PLEKHA7: variants seen among roughly 807,000 people sequenced by gnomAD.
The protein encoded by PLEKHA7 is pleckstrin homology domain containing A7, also known as pleckstrin homology domain-containing family A member 7.
In PLEKHA7, 104 loss-of-function variants were observed where a neutral mutation model predicts 170.0. The observed-to-expected ratio is 0.61, with a 90% confidence interval of 0.52 to 0.72. The LOEUF (loss-of-function observed/expected upper bound fraction) is 0.72, where lower values mean the gene tolerates loss of function less well. Ranked by LOEUF, PLEKHA7 falls within the 30% of genes least tolerant of loss-of-function variation. The pLI is 0.00. For missense variants in PLEKHA7, 1,615 were observed against 1,671.7 expected (o/e 0.97, Z 0.59); for synonymous variants, 648 against 660.8 (o/e 0.98, Z 0.30).
intron 17 of PLEKHA7, among the ~76,000 whole-genome samples, chr11:16,796,066 C>T (rs535900957): frequency 6.6e-6 from 1 of 152,028 alleles, no homozygotes; most frequent in East Asian, 2.0e-4. Flanking sequence ...ACCACATTGG[C>T]CAGGCTGGTC....
At chr11:16,900,427 T>C (rs539082442) in intron 3 of PLEKHA7, among the ~76,000 whole-genome samples, 10 of 152,350 alleles carry the variant, frequency 6.6e-5, no homozygotes, top group South Asian at 2.1e-4. Flanking sequence ...GGTGTTTTAC[T>C]AGGTTACAAG....
chr11:16,794,466 G>A, intron 19 of PLEKHA7, 22 bp downstream of exon 19: 1 of 1,586,934 alleles, frequency 6.3e-7, no homozygotes, highest in Admixed American at 1.7e-5. Context: ...ATGGCATTCA[G>A]CTCCTAGTTA....
intron 3 of PLEKHA7, among the ~76,000 whole-genome samples, chr11:16,968,456 C>G (rs965847363): frequency 6.6e-6 from 1 of 152,196 alleles, no homozygotes; most frequent in Non-Finnish European, 1.5e-5. Flanking sequence ...GGGCAAGGCT[C>G]TCTGCACTGC....
At chr11:16,841,140 C>G (rs1015031499) in intron 9 of PLEKHA7, among the ~76,000 whole-genome samples, 1 of 152,200 alleles carries the variant, frequency 6.6e-6, no homozygotes, top group Non-Finnish European at 1.5e-5. Flanking sequence ...ATTTCAAGAT[C>G]TCTGATTATA....
intron 3 of PLEKHA7, among the ~76,000 whole-genome samples, chr11:16,965,532 T>C (rs937764878): frequency 6.6e-6 from 1 of 152,120 alleles, no homozygotes; most frequent in Admixed American, 6.5e-5. Flanking sequence ...CTGGGGGAAG[T>C]GAGAGACAGG....
chr11:16,844,689 C>T (rs899631675), intron 8 of PLEKHA7, among the ~76,000 whole-genome samples: 1 of 152,082 alleles, frequency 6.6e-6, no homozygotes, highest in Non-Finnish European at 1.5e-5. Flanking sequence ...GACATGATGC[C>T]CCTAGGATAT....
At chr11:16,798,765 A>G (rs1419348926) in intron 17 of PLEKHA7, among the ~76,000 whole-genome samples, 1 of 152,184 alleles carries the variant, frequency 6.6e-6, no homozygotes, top group East Asian at 1.9e-4. Flanking sequence ...TTTAAGATGT[A>G]TACTCATTCC....
At position 16,889,420 on chromosome 11, in the gene PLEKHA7, AATATAT is replaced by A. The variant is rs1554964151; in HGVS notation, c.222-18244_222-18239del. ...TTGCTCAAAAAAAAAAAAAAAAAAA[AATATAT>A]ATATATATATATATATATATGAACT... is the stretch of plus-strand genomic sequence containing the variant. On this transcript the variant is annotated intron_variant, in intron 3 of 26. Transcript: ENST00000531066. 1.6e-3 allele frequency among the ~76,000 whole-genome samples: 117 copies of A among 74,632 alleles called. 1 individual carries two copies. The Middle Eastern group carries it at 0.026, about 16-fold the overall frequency. 49.0% of individuals were successfully genotyped at this position (74,632 alleles called of 152,430 possible). A position where few individuals can be genotyped will look rare whatever the true frequency, so the allele number is the denominator to read the frequency against.
intron 3 of PLEKHA7, among the ~76,000 whole-genome samples, chr11:16,981,213 G>A (rs1863407832): frequency 6.6e-6 from 1 of 152,200 alleles, no homozygotes; most frequent in Non-Finnish European, 1.5e-5. Flanking sequence ...TATAGTGATG[G>A]AGGCTCTTAT....
At chr11:16,940,026 C>T (rs1860571807) in intron 3 of PLEKHA7, among the ~76,000 whole-genome samples, 1 of 152,150 alleles carries the variant, frequency 6.6e-6, no homozygotes, top group Non-Finnish European at 1.5e-5. Context: ...AAGCCAAAGC[C>T]AGGGCCACTG....
chr11:16,852,180 G>T, intron 7 of PLEKHA7, 103 bp downstream of exon 7: 1 of 946,360 alleles, frequency 1.1e-6, no homozygotes, highest in Non-Finnish European at 1.6e-6. Context: ...TAACCCAACA[G>T]ATTGAACTTC....
intron 3 of PLEKHA7, among the ~76,000 whole-genome samples, chr11:16,888,474 G>A: frequency 6.6e-6 from 1 of 152,312 alleles, no homozygotes; most frequent in Admixed American, 6.5e-5. Context: ...GTAGACATAG[G>A]AGACTCCATT....
chr11:16,986,498 TCA>T (rs746234169), intron 3 of PLEKHA7, among the ~76,000 whole-genome samples: 9 of 152,088 alleles, frequency 5.9e-5, no homozygotes, highest in Non-Finnish European at 1.3e-4. Flanking sequence ...CAGAACCATG[TCA>T]CACCTTGCCC....
chr11:16,864,629 AG>A (rs1854240419), intron 4 of PLEKHA7, among the ~76,000 whole-genome samples: 1 of 152,146 alleles, frequency 6.6e-6, no homozygotes, highest in Non-Finnish European at 1.5e-5. Flanking sequence ...TGTGATAGTG[AG>A]TAAGTCTCAC....
chr11:16,854,075 C>G (rs1853217587), intron 6 of PLEKHA7, among the ~76,000 whole-genome samples: 1 of 152,228 alleles, frequency 6.6e-6, no homozygotes, highest in Non-Finnish European at 1.5e-5. Context: ...AACCACGTTA[C>G]TTTCTCTTGA....
At chr11:16,986,363 AGG>A (rs781321337) in intron 3 of PLEKHA7, among the ~76,000 whole-genome samples, 53 of 152,324 alleles carry the variant, frequency 3.5e-4, no homozygotes, top group Middle Eastern at 3.4e-3. Context: ...TACAAATCAC[AGG>A]TGCAAGACCC....
At chr11:16,905,597 C>A (rs1857606646) in intron 3 of PLEKHA7, among the ~76,000 whole-genome samples, 1 of 152,282 alleles carries the variant, frequency 6.6e-6, no homozygotes, top group South Asian at 2.1e-4. Context: ...ACCTCAGCCA[C>A]ACACAGTGCC....
chr11:16,993,459 T>A (rs1464181377), intron 3 of PLEKHA7, among the ~76,000 whole-genome samples: 1 of 152,076 alleles, frequency 6.6e-6, no homozygotes, highest in Admixed American at 6.6e-5. Context: ...AGATCCCAGC[T>A]CTCTCAGTTC....
intron 8 of PLEKHA7, among the ~76,000 whole-genome samples, chr11:16,844,024 C>T (rs1852186097): frequency 6.6e-6 from 1 of 152,092 alleles, no homozygotes; most frequent in African/African-American, 2.4e-5. Context: ...GGAAAATATC[C>T]CCTGGACCAT....
Sources: allele counts gnomAD v4.1 joint callset (sites outside exome capture counted in the v4.1 genomes callset), GRCh38; gene constraint gnomAD v4.1.1; transcripts MANE v1.5; gene names NCBI Gene and HGNC (gene_info 2026-07-23, HGNC 2026-07-21).